The following EPB41L4B variants were observed in gnomAD, a reference collection of about 807,000 sequenced individuals.
EPB41L4B encodes the protein erythrocyte membrane protein band 4.1 like 4B.
EPB41L4B carries 30 observed loss-of-function variants against 112.5 expected under a neutral mutation model. The ratio of observed to expected loss-of-function variants is 0.27; its 90% confidence interval spans 0.20 to 0.36. EPB41L4B has a LOEUF of 0.36. EPB41L4B is among the 10% of genes least tolerant of loss of function. EPB41L4B has a pLI of 1.00. For missense variants in EPB41L4B, 1,024 were observed against 1,133.3 expected (o/e 0.90, Z 1.38); for synonymous variants, 408 against 439.7 (o/e 0.93, Z 0.90).
rs943026569 is a variant in EPB41L4B at position 109,292,212 on chromosome 9, T to G, written c.307-12291A>C. 2.6e-5 allele frequency among the ~76,000 whole-genome samples: 4 copies of G among 152,324 alleles called. No individual in the cohort carries two copies. The South Asian group carries it at 8.3e-4, about 32-fold the overall frequency. On this transcript the variant is annotated intron_variant, in intron 1 of 25. Transcript: ENST00000374566. ...GTGTACGAATGGGTTTCCCATTTAT[T>G]CCTCAAGATGCTCACTAAAGCCAAG...
At chr9:109,226,010 C>G (rs1411287234) in intron 15 of EPB41L4B, among the ~76,000 whole-genome samples, 1 of 152,182 alleles carries the variant, frequency 6.6e-6, no homozygotes, top group Non-Finnish European at 1.5e-5. Flanking sequence ...CTAACTTTTT[C>G]TGAAATGGAG....
Position 109,298,522 on chromosome 9 carries a change from C to T in EPB41L4B, c.307-18601G>A, listed in dbSNP as rs1836826841. On this transcript the variant is annotated intron_variant, in intron 1 of 25. Transcript: ENST00000374566. Reference sequence around the variant, plus strand: ...AGAGACAGGGTTTCACCATGTTGGCCAGGCTGGTCTCAAACTCCTGACCTT... The same window carrying T: ...AGAGACAGGGTTTCACCATGTTGGCTAGGCTGGTCTCAAACTCCTGACCTT... 2.0e-5 allele frequency among the ~76,000 whole-genome samples: 3 copies of T among 152,152 alleles called. 1 individual carries two copies. In the South Asian group the frequency reaches 6.2e-4, roughly 32 times the overall value.
chr9:109,266,009 T>G (rs752695442), intron 4 of EPB41L4B, among the ~76,000 whole-genome samples: 41 of 152,234 alleles, frequency 2.7e-4, no homozygotes, highest in Non-Finnish European at 5.3e-4. Context: ...AAGGTTCTAG[T>G]ACATTCCAGA....
chr9:109,245,618 C>T (rs777969301), intron 14 of EPB41L4B, among the ~76,000 whole-genome samples: 7 of 152,210 alleles, frequency 4.6e-5, no homozygotes, highest in Non-Finnish European at 8.8e-5. Context: ...ATGCCAACAG[C>T]GTCCTCATTG....
chr9:109,241,286 A>C, intron 15 of EPB41L4B: 1 of 1,000,060 alleles, frequency 1.0e-6, no homozygotes. Flanking sequence ...AGCAATCTCA[A>C]CTTCTACGAC....
intron 15 of EPB41L4B, chr9:109,241,672 G>C: frequency 6.2e-7 from 1 of 1,614,080 alleles, no homozygotes; most frequent in Non-Finnish European, 8.5e-7. Flanking sequence ...TCAAAGTGCA[G>C]TCATGAGTTT....
chr9:109,200,411 C>A, intron 19 of EPB41L4B, 77 bp from the exon 20 acceptor site: 1 of 1,120,816 alleles, frequency 8.9e-7, no homozygotes, highest in Non-Finnish European at 1.4e-6. Context: ...GGACTGCTTT[C>A]TCAGTTAATG....
intron 15 of EPB41L4B, among the ~76,000 whole-genome samples, chr9:109,228,161 G>A (rs1564280110): frequency 6.6e-6 from 1 of 152,120 alleles, no homozygotes; most frequent in Non-Finnish European, 1.5e-5. Context: ...ACCATTAAAT[G>A]TCAGTTTCTG....
chr9:109,256,041 G>A (rs773578169), intron 9 of EPB41L4B, 95 bp downstream of exon 9: 112 of 1,230,910 alleles, frequency 9.1e-5, no homozygotes, highest in Non-Finnish European at 1.2e-5. Context: ...GGATGAATCT[G>A]GGTGTTGCAG....
intron 16 of EPB41L4B, among the ~76,000 whole-genome samples, chr9:109,214,812 C>T (rs1400151724): frequency 1.3e-5 from 2 of 152,116 alleles, no homozygotes; most frequent in African/African-American, 2.4e-5. Context: ...GGACTTTATC[C>T]CAGACAGTGA....
At chr9:109,204,651 G>A (rs186601596) in intron 18 of EPB41L4B, among the ~76,000 whole-genome samples, 5 of 152,012 alleles carry the variant, frequency 3.3e-5, no homozygotes, top group African/African-American at 9.6e-5. Context: ...ACCACAACAC[G>A]CAGCTAATTT....
intron 15 of EPB41L4B, chr9:109,239,910 C>T (rs1564287186): frequency 1.0e-6 from 1 of 985,452 alleles, no homozygotes; most frequent in Non-Finnish European, 1.2e-6. Context: ...CTACTCAGCA[C>T]CTGTGACAGG....
chr9:109,280,964 G>C (rs1195907398), intron 1 of EPB41L4B, among the ~76,000 whole-genome samples: 1 of 151,990 alleles, frequency 6.6e-6, no homozygotes, highest in Non-Finnish European at 1.5e-5. Context: ...AATTCAAAGT[G>C]CATCAAAGAC....
chr9:109,201,380 G>T (rs1230379678), intron 19 of EPB41L4B, among the ~76,000 whole-genome samples: 1 of 147,378 alleles, frequency 6.8e-6, no homozygotes, highest in Non-Finnish European at 1.5e-5. Flanking sequence ...AGCCCAGGAG[G>T]TCGAGGCTGC....
At chr9:109,213,571 T>G in intron 17 of EPB41L4B, 129 bp downstream of exon 17, 1 of 711,534 alleles carries the variant, frequency 1.4e-6, no homozygotes, top group Non-Finnish European at 2.5e-6. Flanking sequence ...AACAGAAATG[T>G]CAGGAAAGAT....
intron 1 of EPB41L4B, among the ~76,000 whole-genome samples, chr9:109,292,070 G>T (rs970443724): frequency 1.3e-5 from 2 of 152,104 alleles, no homozygotes; most frequent in African/African-American, 4.8e-5. Flanking sequence ...GACCCCACTG[G>T]TCACATTCCT....
At chr9:109,225,134 C>T (rs1180969436) in intron 15 of EPB41L4B, among the ~76,000 whole-genome samples, 1 of 152,230 alleles carries the variant, frequency 6.6e-6, no homozygotes, top group Non-Finnish European at 1.5e-5. Flanking sequence ...TGTCACATCA[C>T]ATGTTTTCGT....
At chr9:109,216,570 G>A (rs183845400) in intron 16 of EPB41L4B, among the ~76,000 whole-genome samples, 1 of 151,710 alleles carries the variant, frequency 6.6e-6, no homozygotes, top group Admixed American at 6.6e-5. Flanking sequence ...GGACCTGGGA[G>A]GGGGAGGGTG....
At chr9:109,319,032 G>A (rs1837740120) in intron 1 of EPB41L4B, among the ~76,000 whole-genome samples, 1 of 152,214 alleles carries the variant, frequency 6.6e-6, no homozygotes, top group South Asian at 2.1e-4. Flanking sequence ...GTCCGGGTAT[G>A]TTATTTCTTC....
Sources: allele counts gnomAD v4.1 joint callset (sites outside exome capture counted in the v4.1 genomes callset), GRCh38; gene constraint gnomAD v4.1.1; transcripts MANE v1.5; gene names NCBI Gene and HGNC (gene_info 2026-07-23, HGNC 2026-07-21).